SCARF1: variants seen among roughly 807,000 people sequenced by gnomAD.
The protein encoded by SCARF1 is scavenger receptor class F member 1.
SCARF1 carries 49 observed loss-of-function variants against 76.3 expected under a neutral mutation model. That is an observed-to-expected ratio of 0.64 (90% CI 0.51 to 0.81). The LOEUF (loss-of-function observed/expected upper bound fraction) is 0.81. Ranked by LOEUF, SCARF1 falls within the 40% of genes least tolerant of loss-of-function variation. SCARF1 has a pLI of 0.00. For missense variants in SCARF1, 1,098 were observed against 1,143.9 expected (o/e 0.96, Z 0.58); for synonymous variants, 495 against 474.6 (o/e 1.04, Z -0.56).
In SCARF1 at chr17:1,634,596, C is replaced by T. The variant is rs1425533885; in HGVS notation, c.*162G>A. The T allele has an allele frequency of 7.2e-6, 7 of 973,004 alleles. No individual in the cohort carries two copies. The highest frequency in any genetic ancestry group is 6.1e-5 in the South Asian group (3 of 48,806). 60.3% of individuals were successfully genotyped at this position (973,004 alleles called of 1,614,324 possible). A position where few individuals can be genotyped will look rare whatever the true frequency, so the allele number is the denominator to read the frequency against. ...CTGCCCAGGCCTTCCTGGGCCCCTC[C>T]GGGAGCACTGCCAGGGGCCTGGGCC... On this transcript the variant is annotated 3_prime_UTR_variant, in exon 11 of 11. Transcript: ENST00000263071.
rs1388415996 is a variant in SCARF1 at position 1,635,351 on chromosome 17, C to T, written c.1900G>A (p.Glu634Lys). ...TCTGCTTCCTCTGGGCCTGTGGACT[C>T]TTCGGCTTCCCGGCCCTCAGGACCC... is the stretch of plus-strand genomic sequence containing the variant. The part of the protein sequence containing the change: ...QSGPEGREAE[E>K]STGPEEAEAP... The change falls in exon 11 of 11, where the codon GAG becomes AAG. Residue 634 changes from glutamate to lysine, a missense_variant. Transcript: ENST00000263071. 2 of 1,613,106 alleles carry T rather than the reference C, an allele frequency of 1.2e-6. No homozygotes were observed. Among genetic ancestry groups the T allele is most frequent in the Admixed American group, 1.7e-5 (1 of 59,982 alleles).
rs1237412123 is a variant in SCARF1 at position 1,643,691 on chromosome 17, C to T, written c.542G>A (p.Cys181Tyr). 1 of 1,449,554 alleles carries T rather than the reference C, an allele frequency of 6.9e-7. No individual in the cohort carries two copies. Among genetic ancestry groups the T allele is most frequent in the Non-Finnish European group, 9.0e-7 (1 of 1,108,824 alleles). The allele number at this position is 1,449,554 out of a possible 1,614,324, so 89.8% of individuals were successfully genotyped here. The change falls in exon 4 of 11, where the codon TGC becomes TAC. Residue 181 changes from cysteine to tyrosine, a missense_variant. Coordinates refer to ENST00000263071, the MANE Select transcript of SCARF1 (RefSeq NM_003693.4). ...RCEQATGACVCKPGWWGRRCS... is the reference protein window; with the variant it reads ...RCEQATGACVYKPGWWGRRCS... Reference sequence around the variant, plus strand: ...GCGGCGCCCCCACCAGCCCGGCTTGCACACGCAGGCGCCCGTGGCCTGCTC... The same window carrying T: ...GCGGCGCCCCCACCAGCCCGGCTTGTACACGCAGGCGCCCGTGGCCTGCTC...
intron 8 of SCARF1, chr17:1,638,546 G>A (rs1041465726): frequency 3.2e-6 from 1 of 317,440 alleles, no homozygotes. Flanking sequence ...CAGCTGACCC[G>A]GTGTCTCCAG....
In SCARF1 at chr17:1,634,291, A is replaced by G. The variant is rs1285288079; in HGVS notation, c.*467T>C. ...GTAGTCCCAGCTACTCGGGAGGCTG[A>G]GGCAGGAGAAGGGCGTGAACCCGGG... On this transcript the variant is annotated 3_prime_UTR_variant, in exon 11 of 11. Coordinates refer to ENST00000263071, the MANE Select transcript of SCARF1 (RefSeq NM_003693.4). 8.4e-5 allele frequency: 19 copies of G among 225,250 alleles called. No homozygotes were observed. Among genetic ancestry groups the G allele is most frequent in the Non-Finnish European group, 2.6e-5 (3 of 117,254 alleles). 14.0% of individuals were successfully genotyped at this position (225,250 alleles called of 1,614,324 possible).
Position 1,643,618 on chromosome 17 carries a change from G to C in SCARF1, c.615C>G (p.Ser205=). The C allele has an allele frequency of 1.4e-6, 2 of 1,473,892 alleles. No homozygotes were observed. The highest frequency in any genetic ancestry group is 1.8e-6 in the Non-Finnish European group (2 of 1,120,196). The allele number at this position is 1,473,892 out of a possible 1,614,324, so 91.3% of individuals were successfully genotyped here. The part of the protein sequence containing the change: ...NCHGSPCEQD[S]GRCACRPGWW... ...AGCCCGGCCGGCAGGCGCAGCGGCC[G>C]GAGTCCTGCTCGCACGGGGAGCCGT... Residue 205 remains serine, a synonymous_variant, in exon 4 of 11, where the codon TCC becomes TCG. Coordinates refer to ENST00000263071, the MANE Select transcript of SCARF1 (RefSeq NM_003693.4).
chr17:1,635,355 G>A lies in SCARF1; in HGVS notation c.1896C>T (p.Ala632=), dbSNP rs144909941. ...CTTCCTCTGGGCCTGTGGACTCTTC[G>A]GCTTCCCGGCCCTCAGGACCCGACT... ...GAQSGPEGRE[A]EESTGPEEAE... The change falls in exon 11 of 11, where the codon GCC becomes GCT. Residue 632 remains alanine, a synonymous_variant. Coordinates refer to ENST00000263071, the MANE Select transcript of SCARF1 (RefSeq NM_003693.4). 8 of 1,613,014 alleles carry A rather than the reference G, an allele frequency of 5.0e-6. No individual in the cohort carries two copies. Among genetic ancestry groups the A allele is most frequent in the East Asian group, 2.2e-5 (1 of 44,876 alleles).
In SCARF1 at chr17:1,634,633, A is replaced by G; in HGVS notation, c.*125T>C. ...CAGGGGCCTGGGCCAACTGGCCTGG[A>G]AGCCTTGCCTTTTCCCTGTGGAGGC... On this transcript the variant is annotated 3_prime_UTR_variant, in exon 11 of 11. Transcript: ENST00000263071. 1 of 1,376,188 alleles carries G rather than the reference A, an allele frequency of 7.3e-7. No homozygotes were observed. Among genetic ancestry groups the G allele is most frequent in the Admixed American group, 2.5e-5 (1 of 39,668 alleles). The allele number at this position is 1,376,188 out of a possible 1,614,324, so 85.2% of individuals were successfully genotyped here.
rs1909413937 is a variant in SCARF1 at position 1,635,035 on chromosome 17, T to C, written c.2216A>G (p.Lys739Arg). 2 of 1,613,772 alleles carry C rather than the reference T, an allele frequency of 1.2e-6. No individual in the cohort carries two copies. Among genetic ancestry groups the C allele is most frequent in the Admixed American group, 3.3e-5 (2 of 60,016 alleles). ...PKPPRQALNR[K>R]KGSPGLASGS... ...AGAGGCAAGGCCAGGGCTGCCCTTTTTCCGATTCAGGGCCTGGCGCGGAGG... is the reference window on the plus strand; with the variant it reads ...AGAGGCAAGGCCAGGGCTGCCCTTTCTCCGATTCAGGGCCTGGCGCGGAGG... Residue 739 changes from lysine (K) to arginine (R), a missense_variant, in exon 11 of 11, where the codon AAA (lysine) becomes AGA (arginine). Physicochemically the swap from Lys to Arg is conservative, Grantham distance 26. Coordinates refer to ENST00000263071, the MANE Select transcript of SCARF1 (RefSeq NM_003693.4).
At chr17:1,638,171 C>G (rs139223369) in intron 8 of SCARF1, 1 of 152,398 alleles carries the variant, frequency 6.6e-6, no homozygotes, top group African/African-American at 2.4e-5. Flanking sequence ...CAAACCTCCA[C>G]GCTGCTGTGA....
chr17:1,636,671 G>A, intron 10 of SCARF1, 38 bp downstream of exon 10: 1 of 1,605,818 alleles, frequency 6.2e-7, no homozygotes, highest in Non-Finnish European at 8.5e-7. Context: ...GTGGTGGGCA[G>A]GGCTGCTCAG....
At chr17:1,642,168 T>C (rs1238188006) in intron 4 of SCARF1, among the ~76,000 whole-genome samples, 4 of 150,864 alleles carry the variant, frequency 2.7e-5, no homozygotes, top group Non-Finnish European at 5.9e-5. Flanking sequence ...TTTTCTTTTT[T>C]TAAATATATT....
Position 1,640,600 on chromosome 17 carries a change from C to G in SCARF1, c.858G>C (p.Pro286=), listed in dbSNP as rs149937520. The G allele has an allele frequency of 2.5e-6, 4 of 1,612,086 alleles. No homozygotes were observed. The highest frequency in any genetic ancestry group is 1.7e-4 in the Middle Eastern group (1 of 5,958). The change falls in exon 5 of 11, where the codon CCG becomes CCC. Residue 286 remains proline (P), a synonymous_variant. Coordinates refer to ENST00000263071, the MANE Select transcript of SCARF1 (RefSeq NM_003693.4). The surrounding 1 kb of genome is among the most constrained non-coding windows in gnomAD (Gnocchi z 4.7). The part of the protein sequence containing the change: ...PDTGSCESCE[P]GWNGTQCQQP... Reference sequence around the variant, plus strand: ...GCTGGCACTGGGTCCCGTTCCAGCCCGGCTCGCAGGACTCACAGCTGCCTG... The same window carrying G: ...GCTGGCACTGGGTCCCGTTCCAGCCGGGCTCGCAGGACTCACAGCTGCCTG...
intron 8 of SCARF1, chr17:1,638,136 C>G (rs1909732689): frequency 1.3e-5 from 2 of 152,184 alleles, no homozygotes; most frequent in African/African-American, 4.8e-5. Context: ...GGACATTTAT[C>G]CTCCCGGCCC....
chr17:1,636,603 C>T, intron 10 of SCARF1, 106 bp downstream of exon 10: 1 of 1,313,056 alleles, frequency 7.6e-7, no homozygotes, highest in South Asian at 1.4e-5. Flanking sequence ...CAGAGCAAGA[C>T]CCAGTCTCAA....
chr17:1,635,860 A>C (rs1376868461), intron 10 of SCARF1, among the ~76,000 whole-genome samples: 1 of 151,080 alleles, frequency 6.6e-6, no homozygotes, highest in Admixed American at 6.6e-5. Flanking sequence ...GGCCTCAAGC[A>C]GTCCTCCCGC....
chr17:1,641,321 C>T (rs1910031264), intron 4 of SCARF1, among the ~76,000 whole-genome samples: 1 of 152,192 alleles, frequency 6.6e-6, no homozygotes, highest in Non-Finnish European at 1.5e-5. Context: ...ATGCTCTTTA[C>T]GAGGATCTAA....
In SCARF1 at chr17:1,634,388, C is replaced by CAAA; in HGVS notation, c.*367_*369dup. 4 of 329,170 alleles carry CAAA rather than the reference C, an allele frequency of 1.2e-5. No homozygotes were observed. Among genetic ancestry groups the CAAA allele is most frequent in the Non-Finnish European group, 1.1e-5 (2 of 187,760 alleles). 20.4% of individuals were successfully genotyped at this position (329,170 alleles called of 1,614,324 possible). A position where few individuals can be genotyped will look rare whatever the true frequency, so the allele number is the denominator to read the frequency against. ...TGGGGGACAGAGGGAGATTCTGTCT[C>CAAA]AAAAAAAAAAAAAAAAATTTGTTTA... On this transcript the variant is annotated 3_prime_UTR_variant, in exon 11 of 11. Transcript: ENST00000263071.
Position 1,645,001 on chromosome 17 carries a change from C to T in SCARF1, c.164-66G>A, listed in dbSNP as rs1910413601. On this transcript the variant is annotated intron_variant, in intron 2 of 10. Coordinates refer to ENST00000263071, the MANE Select transcript of SCARF1 (RefSeq NM_003693.4). This position sits in a 1 kb window ranked among gnomAD's most constrained non-coding sequence, Gnocchi z 6.3. ...ACCAGGGGACACCCCTGCCCTCTCACTGGCTCCAGGGGCCATGCCTCCTCA... is the reference window on the plus strand; with the variant it reads ...ACCAGGGGACACCCCTGCCCTCTCATTGGCTCCAGGGGCCATGCCTCCTCA... 6.4e-7 allele frequency: 1 copy of T among 1,570,492 alleles called. No individual in the cohort carries two copies. Among genetic ancestry groups the T allele is most frequent in the South Asian group, 1.1e-5 (1 of 88,096 alleles).
At position 1,645,536 on chromosome 17, in the gene SCARF1, G is replaced by A. The variant is rs759885640; in HGVS notation, c.101+61C>T. On this transcript the variant is annotated intron_variant, in intron 1 of 10. Transcript: ENST00000263071. The surrounding 1 kb of genome is among the most constrained non-coding windows in gnomAD (Gnocchi z 6.3). ...GGCCTCAACACCGGTTCAGCCACCC[G>A]CATCAGACTCCCACGAGACCCACCT... 1.1e-5 allele frequency: 17 copies of A among 1,562,348 alleles called. No homozygotes were observed. Among genetic ancestry groups the A allele is most frequent in the Middle Eastern group, 1.7e-4 (1 of 6,026 alleles).
Sources: allele counts gnomAD v4.1 joint callset (sites outside exome capture counted in the v4.1 genomes callset), GRCh38; gene constraint gnomAD v4.1.1; non-coding constraint Gnocchi (gnomAD v3.1); transcripts MANE v1.5; gene names NCBI Gene and HGNC (gene_info 2026-07-23, HGNC 2026-07-21).